Variants in HACE1 observed in about 807,000 individuals in gnomAD.
HACE1 encodes the protein HECT domain and ankyrin repeat containing E3 ubiquitin protein ligase 1, also known as E3 ubiquitin-protein ligase HACE1.
In HACE1, 73 loss-of-function variants were observed where a neutral mutation model predicts 118.4. That is an observed-to-expected ratio of 0.62 (90% CI 0.51 to 0.75). The LOEUF (loss-of-function observed/expected upper bound fraction) is 0.75. Among genes scored for constraint, HACE1 ranks in the 30% least tolerant of loss-of-function variants. The pLI is 0.00. For synonymous variants in HACE1, 368 were observed against 374.8 expected, an observed-to-expected ratio of 0.98 and a Z score of 0.21; for missense variants, 749 against 1,102.2, an observed-to-expected ratio of 0.68 and a Z score of 4.54.
rs1776629808 is a variant in HACE1 at position 104,741,138 on chromosome 6, T to C, written c.2513+3022A>G. 1.9e-5 allele frequency among the ~76,000 whole-genome samples: 2 copies of C among 105,592 alleles called. 1 individual carries two copies. The highest frequency in any genetic ancestry group is 3.6e-5 in the Non-Finnish European group (2 of 55,254). 69.3% of individuals were successfully genotyped at this position (105,592 alleles called of 152,430 possible). On this transcript the variant is annotated intron_variant, in intron 22 of 23. Coordinates refer to ENST00000262903, the MANE Select transcript of HACE1 (RefSeq NM_020771.4). ...TTCATGCTAAAAACTCCCAATAAAT[T>C]AGGTATTGATGGGATGTATCTCAAA...
At chr6:104,777,563 C>A (rs1781350193) in intron 14 of HACE1, among the ~76,000 whole-genome samples, 1 of 152,084 alleles carries the variant, frequency 6.6e-6, no homozygotes, top group African/African-American at 2.4e-5. Context: ...ACACAAAAGA[C>A]TTGATAAATT....
chr6:104,768,610 C>T (rs1780266241), intron 19 of HACE1, among the ~76,000 whole-genome samples: 2 of 143,008 alleles, frequency 1.4e-5, no homozygotes, highest in South Asian at 2.2e-4. Flanking sequence ...AAAAAAAAGG[C>T]TCAATTTATT....
At chr6:104,770,624 C>T (rs1330210901) in intron 19 of HACE1, among the ~76,000 whole-genome samples, 3 of 152,134 alleles carry the variant, frequency 2.0e-5, no homozygotes, top group Non-Finnish European at 4.4e-5. Context: ...GAGGCCAAGG[C>T]AGGAGAATTG....
At chr6:104,816,073 CAAAA>C (rs60838357) in intron 6 of HACE1, among the ~76,000 whole-genome samples, 1 of 125,602 alleles carries the variant, frequency 8.0e-6, no homozygotes, top group African/African-American at 2.8e-5. Context: ...AACTACAACT[CAAAA>C]AAAAAAAAAG....
intron 1 of HACE1, among the ~76,000 whole-genome samples, chr6:104,859,169 A>G (rs1024599954): frequency 1.3e-5 from 2 of 152,078 alleles, no homozygotes; most frequent in Non-Finnish European, 2.9e-5. Context: ...ATGCAGCTTA[A>G]AGTAAACAGT....
At chr6:104,776,665 C>A in intron 17 of HACE1, 76 bp downstream of exon 17, 1 of 914,910 alleles carries the variant, frequency 1.1e-6, no homozygotes, top group Non-Finnish European at 1.8e-6. Context: ...CTGTGGAAAT[C>A]AAAAATAAAA....
Position 104,742,966 on chromosome 6 carries a change from G to A in HACE1, c.2513+1194C>T, listed in dbSNP as rs181717720. On this transcript the variant is annotated intron_variant, in intron 22 of 23. Transcript: ENST00000262903. ...AGAAAATGTGGCACATAAACACCAT[G>A]GAATACTATGCAGCCATAAAAAATG... is the stretch of plus-strand genomic sequence containing the variant. Among the ~76,000 whole-genome samples the A allele has an allele frequency of 2.2e-4, 34 of 152,138 alleles. No individual in the cohort carries two copies. The East Asian group carries it at 5.2e-3, about 23-fold the overall frequency.
chr6:104,759,973 C>G (rs182494769), intron 19 of HACE1, among the ~76,000 whole-genome samples: 1 of 152,154 alleles, frequency 6.6e-6, no homozygotes, highest in Non-Finnish European at 1.5e-5. Flanking sequence ...TTCCTAGACA[C>G]ATACACCATC....
At chr6:104,820,000 C>A (rs529824793) in intron 6 of HACE1, among the ~76,000 whole-genome samples, 1 of 152,006 alleles carries the variant, frequency 6.6e-6, no homozygotes, top group African/African-American at 2.4e-5. Context: ...TTCGAGACCA[C>A]CCTGACCAAC....
chr6:104,756,424 AAAATATAT>A (rs201777448), intron 19 of HACE1, among the ~76,000 whole-genome samples: 6,974 of 121,698 alleles, frequency 0.057, 209 homozygotes, highest in South Asian at 0.081. Flanking sequence ...AAAAAAAAAA[AAAATATAT>A]ATATATATAT....
chr6:104,798,069 GAAA>G (rs11331345), intron 7 of HACE1, among the ~76,000 whole-genome samples: 1 of 128,214 alleles, frequency 7.8e-6, no homozygotes, highest in Non-Finnish European at 1.7e-5. Context: ...ACCCCGTCTC[GAAA>G]AAAAAAAAAA....
At chr6:104,847,623 T>C (rs980172213) in intron 4 of HACE1, among the ~76,000 whole-genome samples, 3 of 152,184 alleles carry the variant, frequency 2.0e-5, no homozygotes, top group African/African-American at 4.8e-5. Context: ...TTTTAATCTT[T>C]ATACGCAAAA....
intron 19 of HACE1, among the ~76,000 whole-genome samples, chr6:104,766,452 C>A (rs1387796273): frequency 1.3e-5 from 2 of 152,088 alleles, no homozygotes; most frequent in East Asian, 1.9e-4. Context: ...GGATGCTCAA[C>A]CTGTATACTT....
chr6:104,858,545 G>A (rs1365737412), intron 1 of HACE1: 2 of 358,502 alleles, frequency 5.6e-6, no homozygotes, highest in African/African-American at 2.2e-5. Context: ...ATAAAAGAAA[G>A]GAAAGAAAAT....
At chr6:104,777,469 A>G (rs939074348) in intron 14 of HACE1, 152 bp from the exon 15 acceptor site, 9 of 652,512 alleles carry the variant, frequency 1.4e-5, no homozygotes, top group African/African-American at 1.3e-4. Flanking sequence ...GAACATTTCA[A>G]TAACTATTTA....
rs369711059 is a variant in HACE1, at chr6:104,795,670, C to A, written c.832G>T (p.Glu278Ter). 6.2e-7 allele frequency: 1 copy of A among 1,608,634 alleles called. No individual in the cohort carries two copies. The highest frequency in any genetic ancestry group is 1.3e-5 in the African/African-American group (1 of 74,904). Residue 278 changes from glutamate to a stop codon, truncating the protein, a stop_gained, in exon 10 of 24, where the codon GAG (glutamate) becomes TAG (stop). Transcript: ENST00000262903. LOFTEE classifies it high-confidence loss of function. ...LRENMLRQVL[E>*]HLSQQSESQY... ...CTTTCACTTTGCTGAGACAAATGCT[C>A]CAGAACTTGCCGTAACTAAATTTTT...
At chr6:104,850,853 C>T (rs1776133506) in intron 3 of HACE1, 54 bp downstream of exon 3, 3 of 1,047,252 alleles carry the variant, frequency 2.9e-6, no homozygotes, top group South Asian at 2.5e-5. Flanking sequence ...CTGTTCAAAG[C>T]TTACTGATCC....
intron 22 of HACE1, among the ~76,000 whole-genome samples, chr6:104,740,362 A>C (rs535139120): frequency 6.6e-6 from 1 of 151,718 alleles, no homozygotes; most frequent in South Asian, 2.1e-4. Context: ...CCCTTCAAAA[A>C]ATTAATGAAT....
At chr6:104,785,504 A>G in intron 11 of HACE1, 185 bp from the exon 12 acceptor site, 1 of 561,452 alleles carries the variant, frequency 1.8e-6, no homozygotes, top group East Asian at 3.0e-5. Flanking sequence ...TGCTACATAA[A>G]TGACAATTTC....
Sources: gnomAD v4.1 joint callset for allele counts (sites outside exome capture counted in the v4.1 genomes callset) on GRCh38, gnomAD v4.1.1 for gene constraint, MANE v1.5 for transcripts, NCBI Gene and HGNC (gene_info 2026-07-23, HGNC 2026-07-21) for gene names.